PPP4R2: variants seen among roughly 807,000 people sequenced by gnomAD.
The protein encoded by PPP4R2 is serine/threonine-protein phosphatase 4 regulatory subunit 2.
A neutral mutation model predicts 47.2 loss-of-function variants in PPP4R2; 13 were observed. The observed-to-expected ratio is 0.28, with a 90% CI of 0.18 to 0.44. The LOEUF (loss-of-function observed/expected upper bound fraction) is 0.44. Among genes scored for constraint, PPP4R2 ranks in the 20% least tolerant of loss-of-function variants. The pLI, the probability that PPP4R2 is intolerant of heterozygous loss-of-function variation, is 1.00. For synonymous variants in PPP4R2, 151 were observed against 163.3 expected (o/e 0.92, Z 0.57); for missense variants, 421 against 491.2 (o/e 0.86, Z 1.35).
At chr3:73,042,280 T>C (rs1387506510) in intron 2 of PPP4R2, among the ~76,000 whole-genome samples, 1 of 152,088 alleles carries the variant, frequency 6.6e-6, no homozygotes, top group African/African-American at 2.4e-5. Context: ...CCAGTGAGTG[T>C]ACATTCCTAA....
chr3:72,997,599 T>C lies in PPP4R2; in HGVS notation c.35-478T>C, dbSNP rs1701377356. On this transcript the variant is annotated intron_variant, in intron 1 of 8. Coordinates refer to ENST00000356692, the MANE Select transcript of PPP4R2 (RefSeq NM_174907.4). ...ATTGCACGCCTTCCACGCAACAGGC[T>C]TGAGAACAGTGGCTTACAAACTTCG... Among the ~76,000 whole-genome samples the C allele has an allele frequency of 2.0e-5, 3 of 152,198 alleles. No homozygotes were observed. In the South Asian group the frequency reaches 6.2e-4, roughly 32 times the overall value.
At chr3:73,020,672 T>TAAAAAAAAAAA (rs1553646728) in intron 2 of PPP4R2, among the ~76,000 whole-genome samples, 2 of 133,224 alleles carry the variant, frequency 1.5e-5, no homozygotes, top group African/African-American at 5.8e-5. Context: ...CCTGTCTCTT[T>TAAAAAAAAAAA]AAAAAAAAAA....
rs11342756 is a variant in PPP4R2, at chr3:73,040,499, ATT to A, written c.117-6669_117-6668del. On this transcript the variant is annotated intron_variant, in intron 2 of 8. Transcript: ENST00000356692. Reference sequence around the variant, plus strand: ...ATTGTAATGAAGTAGATGTGACCTAATTTTTTTTTTTTTTTTTTTGGAGACAG... The same window carrying A: ...ATTGTAATGAAGTAGATGTGACCTAATTTTTTTTTTTTTTTTTGGAGACAG... Among the ~76,000 whole-genome samples the A allele has an allele frequency of 7.2e-3, 843 of 117,552 alleles. 7 individuals carry two copies. The highest frequency in any genetic ancestry group is 0.024 in the African/African-American group (695 of 29,134). 77.1% of individuals were successfully genotyped at this position (117,552 alleles called of 152,430 possible).
At chr3:73,045,632 T>A (rs1175749944) in intron 2 of PPP4R2, among the ~76,000 whole-genome samples, 3 of 151,518 alleles carry the variant, frequency 2.0e-5, no homozygotes, top group Non-Finnish European at 4.4e-5. Flanking sequence ...TTCAAGTGAT[T>A]CTCCTTGCCT....
At chr3:73,000,211 A>G (rs181715826) in intron 2 of PPP4R2, among the ~76,000 whole-genome samples, 7 of 152,270 alleles carry the variant, frequency 4.6e-5, no homozygotes, top group Admixed American at 2.6e-4. Context: ...GTACATGCCT[A>G]TAGTCCCAGC....
At chr3:73,011,364 G>A (rs1701721743) in intron 2 of PPP4R2, among the ~76,000 whole-genome samples, 1 of 152,052 alleles carries the variant, frequency 6.6e-6, no homozygotes, top group Non-Finnish European at 1.5e-5. Context: ...GCTTTTAGTC[G>A]CAGCTGCTCG....
intron 3 of PPP4R2, among the ~76,000 whole-genome samples, chr3:73,052,124 GAGTAA>G (rs1298385471): frequency 6.6e-6 from 1 of 151,698 alleles, no homozygotes; most frequent in Non-Finnish European, 1.5e-5. Context: ...ATGAATGAAT[GAGTAA>G]AGAAAAGAAT....
chr3:73,023,223 G>T (rs552721138), intron 2 of PPP4R2, among the ~76,000 whole-genome samples: 27 of 148,700 alleles, frequency 1.8e-4, no homozygotes, highest in East Asian at 1.6e-3. Flanking sequence ...CGCTCTTGTT[G>T]CCCTGACTGG....
intron 2 of PPP4R2, among the ~76,000 whole-genome samples, chr3:73,014,011 TG>T (rs1166093760): frequency 1.1e-5 from 1 of 92,032 alleles, no homozygotes; most frequent in East Asian, 2.1e-4. Flanking sequence ...AATATTTTAT[TG>T]TTTTGGGTGT....
chr3:73,065,310 A>C, intron 8 of PPP4R2, 87 bp from the exon 9 acceptor site: 1 of 1,382,942 alleles, frequency 7.2e-7, no homozygotes, highest in South Asian at 1.5e-5. Context: ...TGTGATTTGA[A>C]CTATAGAATA....
At chr3:73,000,587 C>G (rs1191347822) in intron 2 of PPP4R2, among the ~76,000 whole-genome samples, 1 of 152,104 alleles carries the variant, frequency 6.6e-6, no homozygotes, top group Non-Finnish European at 1.5e-5. Flanking sequence ...AAAATTTGAA[C>G]ATTTTTACTT....
Position 73,030,596 on chromosome 3 carries a change from G to C in PPP4R2, c.117-16590G>C, listed in dbSNP as rs76096491. ...TTCTTCCCTATGTAGGCACAGATTT[G>C]GTGGGGATTACGTTGATTTTTTTTT... On this transcript the variant is annotated intron_variant, in intron 2 of 8. Coordinates refer to ENST00000356692, the MANE Select transcript of PPP4R2 (RefSeq NM_174907.4). Among the ~76,000 whole-genome samples the C allele has an allele frequency of 1.7e-4, 25 of 149,554 alleles. No homozygotes were observed. In the East Asian group the frequency reaches 5.0e-3, roughly 30 times the overall value.
chr3:73,046,411 C>T (rs1334783531), intron 2 of PPP4R2, among the ~76,000 whole-genome samples: 1 of 152,126 alleles, frequency 6.6e-6, no homozygotes, highest in Non-Finnish European at 1.5e-5. Context: ...GTACTGTCTG[C>T]CTGAGGAAAT....
At chr3:73,010,390 G>C (rs71625024) in intron 2 of PPP4R2, among the ~76,000 whole-genome samples, 1 of 151,942 alleles carries the variant, frequency 6.6e-6, no homozygotes, top group Non-Finnish European at 1.5e-5. Context: ...TGCCTGGCTA[G>C]AAAAATAAAA....
chr3:73,040,322 G>A (rs902877353), intron 2 of PPP4R2, among the ~76,000 whole-genome samples: 2 of 152,098 alleles, frequency 1.3e-5, no homozygotes, highest in African/African-American at 4.8e-5. Flanking sequence ...TGTCTGGGGA[G>A]TTTCTGAAGG....
chr3:73,063,809 T>G (rs1314002212), intron 6 of PPP4R2, 62 bp downstream of exon 6: 1 of 1,246,462 alleles, frequency 8.0e-7, no homozygotes, highest in African/African-American at 1.5e-5. Flanking sequence ...AGTAGCAGGC[T>G]TAGTGTACTT....
At chr3:73,061,571 G>A (rs1702858552) in intron 5 of PPP4R2, 1 of 159,700 alleles carries the variant, frequency 6.3e-6, no homozygotes, top group Admixed American at 6.2e-5. Context: ...AAGAGGTTTA[G>A]CACTGTCCTT....
chr3:73,028,369 G>A (rs1361167708), intron 2 of PPP4R2, among the ~76,000 whole-genome samples: 8 of 151,826 alleles, frequency 5.3e-5, no homozygotes, highest in Admixed American at 3.9e-4. Context: ...AAGATGGTCA[G>A]GGGAAGTCTC....
At chr3:73,062,801 A>G (rs1022665866) in intron 5 of PPP4R2, 1 of 1,613,944 alleles carries the variant, frequency 6.2e-7, no homozygotes, top group Non-Finnish European at 8.5e-7. Flanking sequence ...AATCAGCCAT[A>G]GGTTGGATCA....
Sources: gnomAD v4.1 joint callset for allele counts (sites outside exome capture counted in the v4.1 genomes callset) on GRCh38, gnomAD v4.1.1 for gene constraint, MANE v1.5 for transcripts, NCBI Gene and HGNC (gene_info 2026-07-23, HGNC 2026-07-21) for gene names.